OR6C68: variants seen among roughly 807,000 people sequenced by gnomAD.
OR6C68 encodes the protein olfactory receptor 6C68.
For synonymous variants in OR6C68, 161 were observed against 129.8 expected (o/e 1.24, Z -1.63); for missense variants, 440 against 368.5 (o/e 1.19, Z -1.59).
rs150266344 is a variant in OR6C68, at chr12:55,493,249, G to T, written c.872G>T (p.Arg291Met). 3.7e-6 allele frequency: 6 copies of T among 1,601,786 alleles called. No individual in the cohort carries two copies. Among genetic ancestry groups the T allele is most frequent in the Non-Finnish European group, 5.1e-6 (6 of 1,176,624 alleles). Residue 291 changes from arginine (R) to methionine (M), a missense_variant, in exon 1 of 1, where the codon AGG becomes ATG. Arg to Met is a moderately conservative substitution (Grantham distance 91). Transcript: ENST00000548615. Reference sequence around the variant, plus strand: ...TTGAATTCTTTCATATATACTCTTAGGAATGAGCAAGTTAAACAAGCCTTT... The same window carrying T: ...TTGAATTCTTTCATATATACTCTTATGAATGAGCAAGTTAAACAAGCCTTT... The part of the protein sequence containing the change: ...PMLNSFIYTL[R>M]NEQVKQAFHD...
rs1565703505 is a variant in OR6C68, at chr12:55,493,294, T to A, written c.917T>A (p.Ile306Asn). The A allele has an allele frequency of 2.6e-6, 4 of 1,563,648 alleles. No individual in the cohort carries two copies. The highest frequency in any genetic ancestry group is 3.5e-6 in the Non-Finnish European group (4 of 1,159,062). Reference protein sequence around the residue: ...KQAFHDSLKKIAFRLKK With the variant: ...KQAFHDSLKKNAFRLKK ...GCCTTTCATGACTCACTCAAAAAAA[T>A]TGCATTTCGTTTAAAAAAGTAAAGT... Residue 306 changes from isoleucine to asparagine, a missense_variant, in exon 1 of 1, where the codon ATT becomes AAT. Ile to Asn is a moderately radical substitution (Grantham distance 149). Transcript: ENST00000548615.
rs1872540774 is a variant in OR6C68 at position 55,493,276 on chromosome 12, A to G, written c.899A>G (p.His300Arg). 2 of 1,580,624 alleles carry G rather than the reference A, an allele frequency of 1.3e-6. No homozygotes were observed. The highest frequency in any genetic ancestry group is 3.9e-5 in the Admixed American group (2 of 51,126). Residue 300 changes from histidine (H) to arginine (R), a missense_variant, in exon 1 of 1, where the codon CAT becomes CGT. Physicochemically the swap from His to Arg is conservative, Grantham distance 29. Coordinates refer to ENST00000548615, the MANE Select transcript of OR6C68 (RefSeq NM_001005519.2). ...LRNEQVKQAF[H>R]DSLKKIAFRL... ...AATGAGCAAGTTAAACAAGCCTTTC[A>G]TGACTCACTCAAAAAAATTGCATTT...
At position 55,493,205 on chromosome 12, in the gene OR6C68, T is replaced by C; in HGVS notation, c.828T>C (p.Ile276=). ...VNINKGVSVL[I]SSISPMLNSF... ...TTAATAAAGGTGTGTCAGTGCTTAT[T>C]TCATCCATATCACCTATGTTGAATT... Residue 276 remains isoleucine (I), a synonymous_variant, in exon 1 of 1, where the codon ATT becomes ATC. Transcript: ENST00000548615. 6.2e-7 allele frequency: 1 copy of C among 1,613,136 alleles called. No homozygotes were observed. Among genetic ancestry groups the C allele is most frequent in the Non-Finnish European group, 8.5e-7 (1 of 1,179,296 alleles).
In OR6C68 at chr12:55,492,505, T is replaced by C; in HGVS notation, c.128T>C (p.Ile43Thr). The change falls in exon 1 of 1, where the codon ATT (isoleucine) becomes ACT (threonine). Residue 43 changes from isoleucine to threonine, a missense_variant. Physicochemically the swap from Ile to Thr is moderately conservative, Grantham distance 89. Transcript: ENST00000548615. ...YMLSVTGKLT[I>T]IALTMLDPHL... is the part of the protein sequence containing the mutation. ...TTGAGTGTAACAGGGAAACTGACCATTATCGCCCTCACCATGTTGGATCCC... is the reference window on the plus strand; with the variant it reads ...TTGAGTGTAACAGGGAAACTGACCACTATCGCCCTCACCATGTTGGATCCC... 1.9e-6 allele frequency: 3 copies of C among 1,613,772 alleles called. No homozygotes were observed. The highest frequency in any genetic ancestry group is 1.7e-6 in the Non-Finnish European group (2 of 1,179,654).
Position 55,493,139 on chromosome 12 carries a change from C to G in OR6C68, c.762C>G (p.Ile254Met). The change falls in exon 1 of 1, where the codon ATC (isoleucine) becomes ATG (methionine). Residue 254 changes from isoleucine (I) to methionine (M), a missense_variant. By Grantham distance (10) the Ile-to-Met change is conservative. Coordinates refer to ENST00000548615, the MANE Select transcript of OR6C68 (RefSeq NM_001005519.2). Reference protein sequence around the residue: ...TVVSITYGSCIFIYIKPSAKE... With the variant: ...TVVSITYGSCMFIYIKPSAKE... ...TTTCCATCACTTATGGCAGCTGCAT[C>G]TTCATCTATATCAAGCCATCTGCAA... 1 of 1,613,108 alleles carries G rather than the reference C, an allele frequency of 6.2e-7. No homozygotes were observed. Among genetic ancestry groups the G allele is most frequent in the Non-Finnish European group, 8.5e-7 (1 of 1,179,792 alleles).
chr12:55,492,750 T>C lies in OR6C68; in HGVS notation c.373T>C (p.Cys125Arg). The C allele has an allele frequency of 6.2e-7, 1 of 1,614,218 alleles. No homozygotes were observed. Among genetic ancestry groups the C allele is most frequent in the Non-Finnish European group, 8.5e-7 (1 of 1,180,012 alleles). ...GTCATATGATCGCTATGTGGCCATC[T>C]GCAAACCCTTGCATTATATGGCAAT... The part of the protein sequence containing the change: ...TMSYDRYVAI[C>R]KPLHYMAIMS... Residue 125 changes from cysteine to arginine, a missense_variant, in exon 1 of 1, where the codon TGC becomes CGC. Transcript: ENST00000548615.
At position 55,493,244 on chromosome 12, in the gene OR6C68, T is replaced by A; in HGVS notation, c.867T>A (p.Thr289=). 1 of 1,605,416 alleles carries A rather than the reference T, an allele frequency of 6.2e-7. No individual in the cohort carries two copies. Among genetic ancestry groups the A allele is most frequent in the Non-Finnish European group, 8.5e-7 (1 of 1,177,758 alleles). ...ISPMLNSFIY[T]LRNEQVKQAF... Reference sequence around the variant, plus strand: ...CTATGTTGAATTCTTTCATATATACTCTTAGGAATGAGCAAGTTAAACAAG... The same window carrying A: ...CTATGTTGAATTCTTTCATATATACACTTAGGAATGAGCAAGTTAAACAAG... Residue 289 remains threonine (T), a synonymous_variant, in exon 1 of 1, where the codon ACT becomes ACA. Transcript: ENST00000548615.
At position 55,493,134 on chromosome 12, in the gene OR6C68, T is replaced by A; in HGVS notation, c.757T>A (p.Cys253Ser). 1 of 1,613,060 alleles carries A rather than the reference T, an allele frequency of 6.2e-7. No individual in the cohort carries two copies. Among genetic ancestry groups the A allele is most frequent in the Non-Finnish European group, 8.5e-7 (1 of 1,179,782 alleles). The change falls in exon 1 of 1, where the codon TGC (cysteine) becomes AGC (serine). Residue 253 changes from cysteine to serine, a missense_variant. Coordinates refer to ENST00000548615, the MANE Select transcript of OR6C68 (RefSeq NM_001005519.2). ...ITVVSITYGS[C>S]IFIYIKPSAK... ...TGTGGTTTCCATCACTTATGGCAGC[T>A]GCATCTTCATCTATATCAAGCCATC...
In OR6C68 at chr12:55,492,480, T is replaced by A; in HGVS notation, c.103T>A (p.Leu35Met). Reference protein sequence around the residue: ...LFMFLFITYMLSVTGKLTIIA... With the variant: ...LFMFLFITYMMSVTGKLTIIA... ...CATGTTTCTATTTATCACCTACATG[T>A]TGAGTGTAACAGGGAAACTGACCAT... Residue 35 changes from leucine (L) to methionine (M), a missense_variant, in exon 1 of 1, where the codon TTG becomes ATG. By Grantham distance (15) the Leu-to-Met change is conservative. Transcript: ENST00000548615. 6.2e-7 allele frequency: 1 copy of A among 1,613,536 alleles called. No homozygotes were observed. The highest frequency in any genetic ancestry group is 1.3e-5 in the African/African-American group (1 of 75,038).
In OR6C68 at chr12:55,492,448, T is replaced by A. The variant is rs1228162565; in HGVS notation, c.71T>A (p.Leu24Gln). 6.2e-7 allele frequency: 1 copy of A among 1,613,950 alleles called. No homozygotes were observed. The highest frequency in any genetic ancestry group is 8.5e-7 in the Non-Finnish European group (1 of 1,179,948). The change falls in exon 1 of 1, where the codon CTG becomes CAG. Residue 24 changes from leucine (L) to glutamine (Q), a missense_variant. By Grantham distance (113) the Leu-to-Gln change is moderately radical. Coordinates refer to ENST00000548615, the MANE Select transcript of OR6C68 (RefSeq NM_001005519.2). Reference protein sequence around the residue: ...GLTEDPQLQVLLFMFLFITYM... With the variant: ...GLTEDPQLQVQLFMFLFITYM... ...ACAGAAGATCCTCAGCTGCAGGTTC[T>A]GCTTTTCATGTTTCTATTTATCACC...
Position 55,492,975 on chromosome 12 carries a change from T to TCTG in OR6C68, c.602_604dup (p.Ala201dup). 6.2e-7 allele frequency: 1 copy of TCTG among 1,612,468 alleles called. No individual in the cohort carries two copies. Among genetic ancestry groups the TCTG allele is most frequent in the South Asian group, 1.1e-5 (1 of 90,896 alleles). On this transcript the variant is annotated inframe_insertion, in exon 1 of 1. Transcript: ENST00000548615. The stretch of plus-strand genomic sequence containing the variant: ...ATTAATTGAGCAGATGGTTGTAGCC[T>TCTG]CTGCTGTATTAACCTTTATTATCAC...
Position 55,492,891 on chromosome 12 carries a change from A to G in OR6C68, c.514A>G (p.Ile172Val), listed in dbSNP as rs923790865. Residue 172 changes from isoleucine (I) to valine (V), a missense_variant, in exon 1 of 1, where the codon ATC becomes GTC. Transcript: ENST00000548615. The stretch of plus-strand genomic sequence containing the variant: ...TCTAGAATTCTGTGACTCTAATGTC[A>G]TCAATCATTTTGGCTGTGATGCATT... ...FHLEFCDSNVINHFGCDALPI... is the reference protein window; with the variant it reads ...FHLEFCDSNVVNHFGCDALPI... 5.0e-6 allele frequency: 8 copies of G among 1,613,384 alleles called. No homozygotes were observed. The African/African-American group carries it at 9.3e-5, about 19-fold the overall frequency.
rs150266344 is a variant in OR6C68 at position 55,493,249 on chromosome 12, G to C, written c.872G>C (p.Arg291Thr). Reference sequence around the variant, plus strand: ...TTGAATTCTTTCATATATACTCTTAGGAATGAGCAAGTTAAACAAGCCTTT... The same window carrying C: ...TTGAATTCTTTCATATATACTCTTACGAATGAGCAAGTTAAACAAGCCTTT... Reference protein sequence around the residue: ...PMLNSFIYTLRNEQVKQAFHD... With the variant: ...PMLNSFIYTLTNEQVKQAFHD... The change falls in exon 1 of 1, where the codon AGG becomes ACG. Residue 291 changes from arginine (R) to threonine (T), a missense_variant. By Grantham distance (71) the Arg-to-Thr change is moderately conservative (BLOSUM62 -1). Transcript: ENST00000548615. The C allele has an allele frequency of 3.6e-5, 58 of 1,601,668 alleles. No individual in the cohort carries two copies. The highest frequency in any genetic ancestry group is 4.4e-5 in the Non-Finnish European group (52 of 1,176,632).
At position 55,492,745 on chromosome 12, in the gene OR6C68, C is replaced by T; in HGVS notation, c.368C>T (p.Ala123Val). ...LATMSYDRYV[A>V]ICKPLHYMAI... ...ACCATGTCATATGATCGCTATGTGGCCATCTGCAAACCCTTGCATTATATG... is the reference window on the plus strand; with the variant it reads ...ACCATGTCATATGATCGCTATGTGGTCATCTGCAAACCCTTGCATTATATG... The change falls in exon 1 of 1, where the codon GCC becomes GTC. Residue 123 changes from alanine (A) to valine (V), a missense_variant. Physicochemically the swap from Ala to Val is moderately conservative, Grantham distance 64. Coordinates refer to ENST00000548615, the MANE Select transcript of OR6C68 (RefSeq NM_001005519.2). 6.2e-7 allele frequency: 1 copy of T among 1,614,100 alleles called. No homozygotes were observed. The highest frequency in any genetic ancestry group is 8.5e-7 in the Non-Finnish European group (1 of 1,179,970).
At position 55,492,878 on chromosome 12, in the gene OR6C68, T is replaced by C; in HGVS notation, c.501T>C (p.Cys167=). The C allele has an allele frequency of 6.2e-7, 1 of 1,613,904 alleles. No individual in the cohort carries two copies. The highest frequency in any genetic ancestry group is 1.7e-4 in the Middle Eastern group (1 of 6,060). Reference sequence around the variant, plus strand: ...GCTTAGGTTTTCATCTAGAATTCTGTGACTCTAATGTCATCAATCATTTTG... The same window carrying C: ...GCTTAGGTTTTCATCTAGAATTCTGCGACTCTAATGTCATCAATCATTTTG... ...PLSLGFHLEF[C]DSNVINHFGC... is the part of the protein sequence containing the mutation. The change falls in exon 1 of 1, where the codon TGT becomes TGC. Residue 167 remains cysteine, a synonymous_variant. Coordinates refer to ENST00000548615, the MANE Select transcript of OR6C68 (RefSeq NM_001005519.2).
rs1317134440 is a variant in OR6C68, at chr12:55,493,139, C to T, written c.762C>T (p.Ile254=). Residue 254 remains isoleucine, a synonymous_variant, in exon 1 of 1, where the codon ATC becomes ATT. Transcript: ENST00000548615. ...TTTCCATCACTTATGGCAGCTGCAT[C>T]TTCATCTATATCAAGCCATCTGCAA... The part of the protein sequence containing the change: ...TVVSITYGSC[I]FIYIKPSAKE... 8.1e-6 allele frequency: 13 copies of T among 1,612,992 alleles called. No individual in the cohort carries two copies. The highest frequency in any genetic ancestry group is 1.1e-5 in the Non-Finnish European group (13 of 1,179,800).
At position 55,492,735 on chromosome 12, in the gene OR6C68, C is replaced by A. The variant is rs747464879; in HGVS notation, c.358C>A (p.Arg120Ser). The change falls in exon 1 of 1, where the codon CGC (arginine) becomes AGC (serine). Residue 120 changes from arginine (R) to serine (S), a missense_variant. Physicochemically the swap from Arg to Ser is moderately radical, Grantham distance 110. Transcript: ENST00000548615. Reference protein sequence around the residue: ...FFLLATMSYDRYVAICKPLHY... With the variant: ...FFLLATMSYDSYVAICKPLHY... ...TCTTTTGGCTACCATGTCATATGAT[C>A]GCTATGTGGCCATCTGCAAACCCTT... 2 of 1,614,114 alleles carry A rather than the reference C, an allele frequency of 1.2e-6. No homozygotes were observed. The highest frequency in any genetic ancestry group is 1.7e-5 in the Admixed American group (1 of 60,032).
Position 55,492,552 on chromosome 12 carries a change from T to C in OR6C68, c.175T>C (p.Phe59Leu), listed in dbSNP as rs773357726. 1.9e-6 allele frequency: 3 copies of C among 1,613,494 alleles called. No individual in the cohort carries two copies. The highest frequency in any genetic ancestry group is 4.5e-5 in the East Asian group (2 of 44,890). ...LDPHLKTPMY[F>L]FLQNLSFLEI... The stretch of plus-strand genomic sequence containing the variant: ...TCCCCACCTGAAAACACCCATGTAT[T>C]TTTTTCTCCAAAATTTATCTTTCTT... Residue 59 changes from phenylalanine to leucine, a missense_variant, in exon 1 of 1, where the codon TTT becomes CTT. By Grantham distance (22) the Phe-to-Leu change is conservative. Coordinates refer to ENST00000548615, the MANE Select transcript of OR6C68 (RefSeq NM_001005519.2).
rs755534282 is a variant in OR6C68 at position 55,492,631 on chromosome 12, C to T, written c.254C>T (p.Thr85Ile). 6.2e-6 allele frequency: 10 copies of T among 1,613,544 alleles called. No individual in the cohort carries two copies. The highest frequency in any genetic ancestry group is 7.6e-6 in the Non-Finnish European group (9 of 1,179,606). The change falls in exon 1 of 1, where the codon ACT (threonine) becomes ATT (isoleucine). Residue 85 changes from threonine (T) to isoleucine (I), a missense_variant. Coordinates refer to ENST00000548615, the MANE Select transcript of OR6C68 (RefSeq NM_001005519.2). The part of the protein sequence containing the change: ...CVPRFLYSIS[T>I]GNKIITYNAC... Reference sequence around the variant, plus strand: ...CCAAGATTCTTATACAGTATCTCAACTGGGAACAAAATAATAACGTATAAT... The same window carrying T: ...CCAAGATTCTTATACAGTATCTCAATTGGGAACAAAATAATAACGTATAAT...
Sources: gnomAD v4.1 joint callset for allele counts on GRCh38, gnomAD v4.1.1 for gene constraint, MANE v1.5 for transcripts, NCBI Gene and HGNC (gene_info 2026-07-23, HGNC 2026-07-21) for gene names.